DGKB: variants seen among roughly 807,000 people sequenced by gnomAD.
The protein encoded by DGKB is diacylglycerol kinase beta.
DGKB carries 67 observed loss-of-function variants against 114.3 expected under a neutral mutation model. The ratio of observed to expected loss-of-function variants is 0.59; its 90% CI spans 0.48 to 0.72. The LOEUF (loss-of-function observed/expected upper bound fraction) is 0.72, where lower values mean the gene tolerates loss of function less well. DGKB is among the 30% of genes least tolerant of loss of function. The pLI is 0.00. For synonymous variants in DGKB, 398 were observed against 323.1 expected (o/e 1.23, Z -2.49); for missense variants, 907 against 975.2 (o/e 0.93, Z 0.93).
intron 25 of DGKB, 139 bp downstream of exon 25, chr7:14,176,700 C>A: frequency 6.7e-7 from 1 of 1,489,628 alleles, no homozygotes; most frequent in Non-Finnish European, 8.9e-7. Flanking sequence ...CTCTGACACA[C>A]ACATAACAAC....
chr7:14,338,572 C>G lies in DGKB; in HGVS notation c.2065G>C (p.Gly689Arg), dbSNP rs745696044. The change falls in exon 23 of 26, where the codon GGG becomes CGG. Residue 689 changes from glycine to arginine, a missense_variant. Transcript: ENST00000402815. The part of the protein sequence containing the change: ...RRSHRRIEKK[G>R]SDKRTTVTDA... ...GTGACGGTGGTCCTTTTGTCAGACC[C>G]TTTTTTCTCTATTCGTCGATGGCTT... is the stretch of plus-strand genomic sequence containing the variant. 1.6e-5 allele frequency: 25 copies of G among 1,608,772 alleles called. No individual in the cohort carries two copies. The highest frequency in any genetic ancestry group is 2.7e-5 in the African/African-American group (2 of 74,496).
upstream of DGKB, among the ~76,000 whole-genome samples, chr7:14,907,386 T>G (rs1783763807): frequency 6.6e-6 from 1 of 152,174 alleles, no homozygotes; most frequent in East Asian, 1.9e-4. Flanking sequence ...CTCCATGATT[T>G]TGGGAAAATA....
intron 1 of DGKB, among the ~76,000 whole-genome samples, chr7:14,871,409 T>G (rs544369677): frequency 3.3e-5 from 5 of 152,264 alleles, no homozygotes; most frequent in African/African-American, 1.2e-4. Context: ...AAAGGGGAGA[T>G]GCTGGTCAAA....
upstream of DGKB, among the ~76,000 whole-genome samples, chr7:14,907,818 A>C (rs544094794): frequency 6.6e-6 from 1 of 152,318 alleles, no homozygotes; most frequent in Non-Finnish European, 1.5e-5. Flanking sequence ...GGTATTATAA[A>C]GTGGTCTGAG....
intron 23 of DGKB, among the ~76,000 whole-genome samples, chr7:14,193,138 G>A (rs1016885441): frequency 6.2e-4 from 94 of 150,718 alleles, no homozygotes; most frequent in African/African-American, 2.2e-3. Context: ...ACGCCTGTTT[G>A]TGGCCTGGGG....
At chr7:14,936,604 CTT>C (rs1271642070) in intron 1 of DGKB, among the ~76,000 whole-genome samples, 1 of 152,130 alleles carries the variant, frequency 6.6e-6, no homozygotes, top group Non-Finnish European at 1.5e-5. Context: ...AGGAAAAAGA[CTT>C]AGGAATGGAG....
At chr7:14,603,197 C>A (rs1172565886) in intron 17 of DGKB, among the ~76,000 whole-genome samples, 3 of 152,106 alleles carry the variant, frequency 2.0e-5, no homozygotes, top group Non-Finnish European at 2.9e-5. Context: ...GTGACCAAGG[C>A]AGAATCAGAA....
At chr7:14,685,726 GA>G (rs1260949283) in intron 9 of DGKB, among the ~76,000 whole-genome samples, 1 of 152,136 alleles carries the variant, frequency 6.6e-6, no homozygotes, top group Non-Finnish European at 1.5e-5. Flanking sequence ...AAGAGAAAGA[GA>G]AAATACCCTT....
chr7:14,348,773 A>G (rs1401016921), intron 21 of DGKB, among the ~76,000 whole-genome samples: 2 of 151,836 alleles, frequency 1.3e-5, no homozygotes, highest in Non-Finnish European at 2.9e-5. Context: ...TTATCTCAAG[A>G]GTCCTGCAAG....
intron 2 of DGKB, among the ~76,000 whole-genome samples, chr7:14,831,173 G>C (rs186840327): frequency 2.8e-4 from 43 of 152,042 alleles, no homozygotes; most frequent in Admixed American, 2.6e-3. Context: ...AATAAACGGT[G>C]AGAGACCAAG....
intron 14 of DGKB, among the ~76,000 whole-genome samples, chr7:14,624,535 T>C (rs989208691): frequency 6.6e-6 from 1 of 152,204 alleles, no homozygotes; most frequent in South Asian, 2.1e-4. Context: ...TCTATTAATA[T>C]GACTTTACTT....
intron 20 of DGKB, among the ~76,000 whole-genome samples, chr7:14,482,541 C>A (rs1042566665): frequency 6.6e-6 from 1 of 151,968 alleles, no homozygotes; most frequent in African/African-American, 2.4e-5. Flanking sequence ...TGAGATAGAG[C>A]TAACTGTAAT....
At chr7:14,436,847 CA>C (rs1563181066) in intron 21 of DGKB, among the ~76,000 whole-genome samples, 1 of 151,726 alleles carries the variant, frequency 6.6e-6, no homozygotes, top group South Asian at 2.1e-4. Flanking sequence ...GTACTGGAAC[CA>C]AAAAAAGTGA....
At chr7:14,636,453 T>C (rs888116181) in intron 13 of DGKB, among the ~76,000 whole-genome samples, 1 of 151,708 alleles carries the variant, frequency 6.6e-6, no homozygotes, top group East Asian at 1.9e-4. Flanking sequence ...CTATTAAGAG[T>C]CTATCACTAG....
At chr7:14,475,420 C>A (rs1394095146) in intron 21 of DGKB, among the ~76,000 whole-genome samples, 1 of 152,068 alleles carries the variant, frequency 6.6e-6, no homozygotes, top group Non-Finnish European at 1.5e-5. Context: ...AGGGAATTGC[C>A]TAAATGCTTG....
At position 14,718,525 on chromosome 7, in the gene DGKB, A is replaced by G. The variant is rs1828593241; in HGVS notation, c.466+17T>C. 1 of 1,596,406 alleles carries G rather than the reference A, an allele frequency of 6.3e-7. No individual in the cohort carries two copies. ...GCCCCCAATCACGATAAGTAAACAA[A>G]ATGAAGAAACACATACACTCAAGCT... is the stretch of plus-strand genomic sequence containing the variant. On this transcript the variant is annotated intron_variant, in intron 6 of 25. Transcript: ENST00000402815.
At chr7:14,584,483 T>C (rs967624728) in intron 17 of DGKB, among the ~76,000 whole-genome samples, 3 of 152,134 alleles carry the variant, frequency 2.0e-5, no homozygotes, top group South Asian at 2.1e-4. Context: ...CTTTATGATA[T>C]GTCTTTAATA....
At chr7:14,613,198 A>T (rs554636010) in intron 16 of DGKB, 142 bp downstream of exon 16, 86 of 591,582 alleles carry the variant, frequency 1.5e-4, no homozygotes, top group Non-Finnish European at 2.3e-4. Flanking sequence ...AGATCATATA[A>T]ACATATTAAA....
chr7:14,360,211 G>A (rs1054800428), intron 21 of DGKB, among the ~76,000 whole-genome samples: 1 of 151,932 alleles, frequency 6.6e-6, no homozygotes, highest in African/African-American at 2.4e-5. Flanking sequence ...ACTATCACAA[G>A]GACAGAAAAC....
Sources: gnomAD v4.1 joint callset for allele counts (sites outside exome capture counted in the v4.1 genomes callset) on GRCh38, gnomAD v4.1.1 for gene constraint, MANE v1.5 for transcripts, NCBI Gene and HGNC (gene_info 2026-07-23, HGNC 2026-07-21) for gene names.